Variants in BCR observed in about 807,000 individuals in gnomAD.
BCR encodes BCR activator of RhoGEF and GTPase.
In BCR, 58 loss-of-function variants were observed where a neutral mutation model predicts 138.6. The ratio of observed to expected loss-of-function variants is 0.42; its 90% CI spans 0.34 to 0.52. The LOEUF is 0.52. Among genes scored for constraint, BCR ranks in the 20% least tolerant of loss-of-function variants. The pLI is 0.06. For synonymous variants in BCR, 786 were observed against 730.1 expected (o/e 1.08, Z -1.23); for missense variants, 1,599 against 1,727.2 (o/e 0.93, Z 1.32).
At chr22:23,255,371 G>T (rs1032846950) in intron 2 of BCR, among the ~76,000 whole-genome samples, 3 of 152,170 alleles carry the variant, frequency 2.0e-5, no homozygotes, top group African/African-American at 7.2e-5. Flanking sequence ...GAGGTTCAGA[G>T]AGGTGAAGTA....
At chr22:23,193,154 T>C (rs184992875) in intron 1 of BCR, among the ~76,000 whole-genome samples, 29 of 152,306 alleles carry the variant, frequency 1.9e-4, no homozygotes, top group African/African-American at 7.0e-4. Flanking sequence ...GCTGCTGGGG[T>C]CAGTTTGTAT....
chr22:23,254,572 C>T (rs1452300694), intron 2 of BCR: 1 of 518,772 alleles, frequency 1.9e-6, no homozygotes, highest in Non-Finnish European at 3.8e-6. Context: ...GACCCACGCC[C>T]CCCCTCACAT....
intron 13 of BCR, 80 bp from the exon 14 acceptor site, chr22:23,290,259 G>C: frequency 7.0e-7 from 1 of 1,429,748 alleles, no homozygotes; most frequent in Non-Finnish European, 9.9e-7. Context: ...CCGGATGGTT[G>C]ATTTTGAAGC....
intron 8 of BCR, among the ~76,000 whole-genome samples, chr22:23,277,277 C>G (rs891734265): frequency 2.0e-5 from 3 of 152,206 alleles, no homozygotes; most frequent in Non-Finnish European, 4.4e-5. Context: ...GAAACTGCGA[C>G]TCAGAGAGGT....
chr22:23,206,250 T>C (rs768909798), intron 1 of BCR, among the ~76,000 whole-genome samples: 7 of 152,292 alleles, frequency 4.6e-5, no homozygotes, highest in Non-Finnish European at 5.9e-5. Flanking sequence ...CTCTTACTTT[T>C]GTATTTGTTT....
chr22:23,181,707 C>A lies in BCR; in HGVS notation c.747C>A (p.Ala249=). ...GCGTCGACGGCGACTACGAGGACGC[C>A]GAGTTGAACCCCCGCTTCCTGAAGG... The part of the protein sequence containing the change: ...SCGVDGDYED[A]ELNPRFLKDN... Residue 249 remains alanine (A), a synonymous_variant, in exon 1 of 23, where the codon GCC becomes GCA. Transcript: ENST00000305877. 6.2e-7 allele frequency: 1 copy of A among 1,604,172 alleles called. No individual in the cohort carries two copies. The highest frequency in any genetic ancestry group is 1.1e-5 in the South Asian group (1 of 91,070).
intron 4 of BCR, chr22:23,264,681 C>T: frequency 5.7e-6 from 1 of 176,606 alleles, no homozygotes; most frequent in Non-Finnish European, 1.2e-5. Flanking sequence ...CTTATTAGAG[C>T]CGTGATAGCC....
At chr22:23,190,642 C>G (rs148477050) in intron 1 of BCR, among the ~76,000 whole-genome samples, 57 of 152,274 alleles carry the variant, frequency 3.7e-4, no homozygotes, top group African/African-American at 1.3e-3. Flanking sequence ...TAGTTCGTAA[C>G]ACTTGGTGAG....
intron 1 of BCR, among the ~76,000 whole-genome samples, chr22:23,240,302 CGTGTGTGTGTGTGTGTGT>C (rs200491524): frequency 1.7e-4 from 24 of 144,122 alleles, no homozygotes; most frequent in South Asian, 1.4e-3. Flanking sequence ...CCTGGCTGAT[CGTGTGTGTGTGTGTGTGT>C]GTGTGTGTGT....
chr22:23,186,802 G>A (rs905537036), intron 1 of BCR, among the ~76,000 whole-genome samples: 1 of 152,172 alleles, frequency 6.6e-6, no homozygotes, highest in African/African-American at 2.4e-5. Flanking sequence ...TGCCTCCCCA[G>A]TTCAAGCTTC....
At chr22:23,215,391 A>C (rs1467640650) in intron 1 of BCR, among the ~76,000 whole-genome samples, 1 of 152,182 alleles carries the variant, frequency 6.6e-6, no homozygotes, top group Non-Finnish European at 1.5e-5. Context: ...AGAGGGGAGA[A>C]CCTTCCCGGT....
chr22:23,191,009 TG>T (rs1431068495), intron 1 of BCR, among the ~76,000 whole-genome samples: 18 of 152,116 alleles, frequency 1.2e-4, no homozygotes, highest in Admixed American at 1.2e-3. Flanking sequence ...CATAGCTCAC[TG>T]TAGCCACAAA....
At chr22:23,192,398 A>T (rs912877904) in intron 1 of BCR, among the ~76,000 whole-genome samples, 2 of 152,174 alleles carry the variant, frequency 1.3e-5, no homozygotes, top group African/African-American at 4.8e-5. Context: ...TGCTCAGCAA[A>T]CCGGTTTTGG....
At chr22:23,200,833 T>G (rs1329715177) in intron 1 of BCR, among the ~76,000 whole-genome samples, 1 of 152,190 alleles carries the variant, frequency 6.6e-6, no homozygotes, top group East Asian at 1.9e-4. Context: ...GTGCTGGGAC[T>G]CCAGGCATGA....
chr22:23,262,805 G>A, intron 4 of BCR: 1 of 994,546 alleles, frequency 1.0e-6, no homozygotes, highest in Non-Finnish European at 1.2e-6. Context: ...GAAGGGAAAA[G>A]CGAGCGAGAG....
intron 1 of BCR, among the ~76,000 whole-genome samples, chr22:23,227,289 A>G (rs2072905958): frequency 6.6e-6 from 1 of 152,196 alleles, no homozygotes; most frequent in Non-Finnish European, 1.5e-5. Context: ...TTCCGTCTAG[A>G]AACAACCCTG....
At chr22:23,198,187 T>C (rs2072505028) in intron 1 of BCR, 1 of 381,948 alleles carries the variant, frequency 2.6e-6, no homozygotes, top group Non-Finnish European at 5.1e-6. Context: ...GAGCACTAAA[T>C]TGGACCACAG....
chr22:23,298,557 T>C (rs932628854), intron 16 of BCR, among the ~76,000 whole-genome samples: 5 of 151,036 alleles, frequency 3.3e-5, no homozygotes, highest in Admixed American at 3.3e-4. Flanking sequence ...CCTTCCTTCC[T>C]TTTCTTTCTT....
intron 4 of BCR, among the ~76,000 whole-genome samples, chr22:23,266,108 A>G (rs557612319): frequency 5.0e-4 from 75 of 151,506 alleles, no homozygotes; most frequent in Non-Finnish European, 8.2e-4. Flanking sequence ...TCCTTGAGAT[A>G]GAGTCTCACT....
Sources: allele counts gnomAD v4.1 joint callset (sites outside exome capture counted in the v4.1 genomes callset), GRCh38; gene constraint gnomAD v4.1.1; transcripts MANE v1.5; gene names NCBI Gene and HGNC (gene_info 2026-07-23, HGNC 2026-07-21).